Variants in CHD9 observed in about 807,000 individuals in gnomAD.
CHD9 encodes chromodomain helicase DNA binding protein 9.
Under a neutral mutation model 316.1 loss-of-function variants are expected in CHD9, and 77 were observed. That is an observed-to-expected ratio of 0.24 (90% CI 0.20 to 0.29). The LOEUF (loss-of-function observed/expected upper bound fraction) is 0.29. Ranked by LOEUF, CHD9 falls within the 10% of genes least tolerant of loss-of-function variation. The pLI is 1.00. For missense variants in CHD9, 2,763 were observed against 3,438.1 expected (o/e 0.80, Z 4.91); for synonymous variants, 1,129 against 1,158.3 (o/e 0.97, Z 0.51).
chr16:53,197,904 C>A (rs1322479832), intron 2 of CHD9, among the ~76,000 whole-genome samples: 1 of 152,102 alleles, frequency 6.6e-6, no homozygotes, highest in Non-Finnish European at 1.5e-5. Context: ...GTGATCTGCC[C>A]ACCTCAGCCT....
intron 1 of CHD9, among the ~76,000 whole-genome samples, chr16:53,067,469 A>G (rs1381888651): frequency 1.3e-5 from 2 of 152,190 alleles, no homozygotes; most frequent in African/African-American, 2.4e-5. Context: ...ACCAACAAAA[A>G]TGGGCTTGAA....
At chr16:53,167,987 T>C (rs1378205011) in intron 2 of CHD9, among the ~76,000 whole-genome samples, 2 of 152,122 alleles carry the variant, frequency 1.3e-5, no homozygotes, top group African/African-American at 4.8e-5. Flanking sequence ...TGGAAGTAAT[T>C]TTTAAAAATA....
intron 3 of CHD9, among the ~76,000 whole-genome samples, chr16:53,218,949 T>C (rs2046997668): frequency 6.6e-6 from 1 of 152,078 alleles, no homozygotes; most frequent in Non-Finnish European, 1.5e-5. Context: ...TACTTTGCCA[T>C]TAAAAATCAT....
intron 1 of CHD9, among the ~76,000 whole-genome samples, chr16:53,154,688 A>G (rs1329455382): frequency 6.6e-6 from 1 of 152,138 alleles, no homozygotes; most frequent in African/African-American, 2.4e-5. Context: ...CTGCTATGAG[A>G]ATCTAATACT....
intron 23 of CHD9, 96 bp downstream of exon 23, chr16:53,273,881 G>T: frequency 8.8e-7 from 1 of 1,139,990 alleles, no homozygotes; most frequent in Admixed American, 2.3e-5. Context: ...TACAGAGACA[G>T]CATGGTCTAG....
chr16:53,155,013 G>A (rs1184115324), intron 1 of CHD9, among the ~76,000 whole-genome samples: 4 of 151,554 alleles, frequency 2.6e-5, no homozygotes, highest in Non-Finnish European at 4.4e-5. Flanking sequence ...TTTTTCCAGC[G>A]CTTAATTTTT....
At chr16:53,123,503 T>A (rs1028758693) in intron 1 of CHD9, among the ~76,000 whole-genome samples, 5 of 152,088 alleles carry the variant, frequency 3.3e-5, no homozygotes, top group African/African-American at 9.7e-5. Flanking sequence ...TTTTCATTAT[T>A]ATTATTATTA....
chr16:53,126,919 T>G (rs1344745162), intron 1 of CHD9, among the ~76,000 whole-genome samples: 2 of 152,130 alleles, frequency 1.3e-5, no homozygotes, highest in Non-Finnish European at 2.9e-5. Flanking sequence ...CCTCAGGTGA[T>G]CCACCCACCT....
Position 53,132,084 on chromosome 16 carries a change from A to AT in CHD9, c.-164-23837dup, listed in dbSNP as rs1337708036. ...CTGGTTTCTGTTTGTTCTTATTTTT[A>AT]TTTTTAAAAAAAATTTTTTTTGGGG... On this transcript the variant is annotated intron_variant, in intron 1 of 38. Transcript: ENST00000447540. 9.1e-5 allele frequency among the ~76,000 whole-genome samples: 13 copies of AT among 142,638 alleles called. No individual in the cohort carries two copies. The East Asian group carries it at 1.2e-3, about 13-fold the overall frequency. The allele number at this position is 142,638 out of a possible 152,430, so 93.6% of individuals were successfully genotyped here. A position where few individuals can be genotyped will look rare whatever the true frequency, so the allele number is the denominator to read the frequency against.
intron 1 of CHD9, among the ~76,000 whole-genome samples, chr16:53,117,407 AAT>A (rs35017419): frequency 0.28 from 40,944 of 148,464 alleles, 6,767 homozygotes; most frequent in Non-Finnish European, 0.38. Flanking sequence ...TCTCTGACGT[AAT>A]ATATATATAT....
intron 2 of CHD9, among the ~76,000 whole-genome samples, chr16:53,190,829 T>C (rs1200325686): frequency 2.0e-5 from 3 of 152,102 alleles, no homozygotes; most frequent in African/African-American, 7.2e-5. Context: ...TAATTTTACT[T>C]TGTAGTCAAA....
chr16:53,191,967 A>G (rs1393327488), intron 2 of CHD9, among the ~76,000 whole-genome samples: 2 of 149,248 alleles, frequency 1.3e-5, no homozygotes, highest in African/African-American at 5.0e-5. Context: ...TTAGATGTGT[A>G]TTTGTATCTC....
At chr16:53,067,104 A>C (rs2033599049) in intron 1 of CHD9, among the ~76,000 whole-genome samples, 1 of 152,088 alleles carries the variant, frequency 6.6e-6, no homozygotes, top group African/African-American at 2.4e-5. Context: ...CACTATGTCC[A>C]ACTAATATTT....
chr16:53,160,635 A>G (rs1442266194), intron 2 of CHD9, among the ~76,000 whole-genome samples: 2 of 152,228 alleles, frequency 1.3e-5, no homozygotes, highest in East Asian at 3.9e-4. Flanking sequence ...GGCCAGGCGC[A>G]GTGGCTCACG....
At chr16:53,100,342 G>A (rs1335670780) in intron 1 of CHD9, among the ~76,000 whole-genome samples, 1 of 151,682 alleles carries the variant, frequency 6.6e-6, no homozygotes, top group Non-Finnish European at 1.5e-5. Flanking sequence ...CTATGGGAAA[G>A]GAAATTAAAA....
chr16:53,107,144 AT>A (rs777987622), intron 1 of CHD9, among the ~76,000 whole-genome samples: 4 of 152,156 alleles, frequency 2.6e-5, no homozygotes, highest in Non-Finnish European at 5.9e-5. Context: ...CTCTAAAAAA[AT>A]AAATGTAGGC....
chr16:53,300,726 G>T (rs1270619450), intron 30 of CHD9, among the ~76,000 whole-genome samples: 1 of 152,212 alleles, frequency 6.6e-6, no homozygotes, highest in Non-Finnish European at 1.5e-5. Flanking sequence ...CAGTGTTCAA[G>T]TGCTGGATAT....
At chr16:53,124,863 C>A (rs147645921) in intron 1 of CHD9, among the ~76,000 whole-genome samples, 1 of 152,198 alleles carries the variant, frequency 6.6e-6, no homozygotes, top group East Asian at 1.9e-4. Context: ...CCTCCCACTA[C>A]ACGTGGGAAT....
intron 12 of CHD9, among the ~76,000 whole-genome samples, chr16:53,241,825 G>C (rs62049771): frequency 0.23 from 34,855 of 152,096 alleles, 4,488 homozygotes; most frequent in Middle Eastern, 0.32. Flanking sequence ...TCTCCAGACA[G>C]GTTTCATCAC....
Sources: allele counts gnomAD v4.1 joint callset (sites outside exome capture counted in the v4.1 genomes callset), GRCh38; gene constraint gnomAD v4.1.1; transcripts MANE v1.5; gene names NCBI Gene and HGNC (gene_info 2026-07-23, HGNC 2026-07-21).